The following DNAH9 variants were observed in gnomAD, a reference collection of about 807,000 sequenced individuals.
DNAH9 encodes the protein DNAH9 variant protein.
Under a neutral mutation model 471.6 loss-of-function variants are expected in DNAH9, and 345 were observed. The ratio of observed to expected loss-of-function variants is 0.73; its 90% confidence interval spans 0.67 to 0.80. The LOEUF (loss-of-function observed/expected upper bound fraction) is 0.80. Among genes scored for constraint, DNAH9 ranks in the 30% least tolerant of loss-of-function variants. The pLI is 0.00. For missense variants in DNAH9, 5,407 were observed against 5,609.2 expected (o/e 0.96, Z 1.15); for synonymous variants, 2,093 against 2,123.6 (o/e 0.99, Z 0.40).
At position 11,610,515 on chromosome 17, in the gene DNAH9, A is replaced by C; in HGVS notation, c.734A>C (p.Asn245Thr). ...TCCCAGCCACTCTTACAAGGGGAGA[A>C]TCCCACCCCTAAGGTGGAGTTGGAG... ...ESSQPLLQGENPTPKVELEFW... is the reference protein window; with the variant it reads ...ESSQPLLQGETPTPKVELEFW... Residue 245 changes from asparagine to threonine, a missense_variant, in exon 3 of 69, where the codon AAT (asparagine) becomes ACT (threonine). Transcript: ENST00000262442. The C allele has an allele frequency of 6.2e-7, 1 of 1,613,216 alleles. No individual in the cohort carries two copies. The highest frequency in any genetic ancestry group is 8.5e-7 in the Non-Finnish European group (1 of 1,179,964).
intron 8 of DNAH9, among the ~76,000 whole-genome samples, chr17:11,635,919 A>G (rs558300875): frequency 2.0e-5 from 3 of 151,922 alleles, no homozygotes; most frequent in Non-Finnish European, 4.4e-5. Context: ...TCTCCCCAAC[A>G]TCCAGCCAAC....
chr17:11,905,431 G>T (rs1973561516), intron 60 of DNAH9, among the ~76,000 whole-genome samples: 1 of 152,134 alleles, frequency 6.6e-6, no homozygotes, highest in Non-Finnish European at 1.5e-5. Flanking sequence ...GGCCTGCCTG[G>T]ATGGGGCTTC....
chr17:11,934,117 G>A (rs1378531618), intron 65 of DNAH9, 46 bp downstream of exon 65: 3 of 1,572,002 alleles, frequency 1.9e-6, no homozygotes, highest in Non-Finnish European at 8.7e-7. Context: ...GTGCTCACAG[G>A]GCCCTGGGTA....
rs117131617 is a variant in DNAH9, at chr17:11,827,961, C to T, written c.9246+4927C>T. Among the ~76,000 whole-genome samples the T allele has an allele frequency of 2.7e-3, 417 of 152,266 alleles. 12 individuals are homozygous for T. The East Asian group carries it at 0.063, about 23-fold the overall frequency. On this transcript the variant is annotated intron_variant, in intron 48 of 68. Coordinates refer to ENST00000262442, the MANE Select transcript of DNAH9 (RefSeq NM_001372.4). Reference sequence around the variant, plus strand: ...TGGTTCTTTTTACTCTCCTCTTACTCTCACACCTACACCCAAACCATGAGA... The same window carrying T: ...TGGTTCTTTTTACTCTCCTCTTACTTTCACACCTACACCCAAACCATGAGA...
chr17:11,783,742 G>A lies in DNAH9; in HGVS notation c.7815G>A (p.Arg2605=), dbSNP rs760277447. 5.0e-6 allele frequency: 8 copies of A among 1,613,834 alleles called. No individual in the cohort carries two copies. Among genetic ancestry groups the A allele is most frequent in the Admixed American group, 1.7e-5 (1 of 59,994 alleles). Residue 2605 remains arginine, a synonymous_variant, in exon 40 of 69, where the codon CGG becomes CGA. Coordinates refer to ENST00000262442, the MANE Select transcript of DNAH9 (RefSeq NM_001372.4). ...CAGGCAGCTTCACCATCAACCCCCG[G>A]CTTCAGGTACAGGAGGAGCCATGGG... ...PTAGSFTINP[R]LQRHFSVFVL...
intron 51 of DNAH9, among the ~76,000 whole-genome samples, chr17:11,870,839 G>C (rs982890435): frequency 4.6e-5 from 7 of 152,176 alleles, no homozygotes; most frequent in Non-Finnish European, 7.3e-5. Context: ...CCGACCTAGA[G>C]ATTCTGGTGA....
chr17:11,618,682 C>T (rs187319383), intron 5 of DNAH9, among the ~76,000 whole-genome samples: 40 of 151,732 alleles, frequency 2.6e-4, no homozygotes, highest in Non-Finnish European at 4.0e-4. Context: ...GAGAAAATAA[C>T]GAACAAGCTT....
At chr17:11,782,957 T>C (rs903008309) in intron 39 of DNAH9, among the ~76,000 whole-genome samples, 1 of 152,170 alleles carries the variant, frequency 6.6e-6, no homozygotes, top group African/African-American at 2.4e-5. Context: ...AAAAAATTAC[T>C]TTATAATTAC....
At chr17:11,800,738 G>A (rs1039033391) in intron 43 of DNAH9, among the ~76,000 whole-genome samples, 7 of 152,096 alleles carry the variant, frequency 4.6e-5, no homozygotes, top group East Asian at 1.9e-4. Context: ...ATTACATGAC[G>A]CCCCTGTGGT....
chr17:11,698,188 T>TAATTATATATA lies in DNAH9; in HGVS notation c.4873-1540_4873-1539insTATATATAAAT, dbSNP rs1406215400. Among the ~76,000 whole-genome samples, 10 of 16,236 alleles carry TAATTATATATA rather than the reference T, an allele frequency of 6.2e-4. No homozygotes were observed. The East Asian group carries it at 0.017, about 28-fold the overall frequency. 10.7% of individuals were successfully genotyped at this position (16,236 alleles called of 152,430 possible). ...TTATTATATTAATATATTATTATATTAATATAATAATATATTAATAATATA... is the reference window on the plus strand; with the variant it reads ...TTATTATATTAATATATTATTATATTAATTATATATAAATATAATAATATATTAATAATATA... On this transcript the variant is annotated intron_variant, in intron 22 of 68. Coordinates refer to ENST00000262442, the MANE Select transcript of DNAH9 (RefSeq NM_001372.4).
chr17:11,723,760 T>C lies in DNAH9; in HGVS notation c.5710-4058T>C, dbSNP rs1433032672. 3.3e-5 allele frequency among the ~76,000 whole-genome samples: 5 copies of C among 152,152 alleles called. No homozygotes were observed. The South Asian group carries it at 8.3e-4, about 25-fold the overall frequency. On this transcript the variant is annotated intron_variant, in intron 27 of 68. Transcript: ENST00000262442. ...TCAGCTCACTGCAAGCTCCACCTCCTGGGTTCACGTCATTCTCCTGCCTCA... is the reference window on the plus strand; with the variant it reads ...TCAGCTCACTGCAAGCTCCACCTCCCGGGTTCACGTCATTCTCCTGCCTCA...
intron 67 of DNAH9, among the ~76,000 whole-genome samples, chr17:11,953,103 C>A (rs1184043683): frequency 1.3e-5 from 2 of 152,150 alleles, no homozygotes; most frequent in East Asian, 3.8e-4. Flanking sequence ...ACCTTAATTA[C>A]CTCCTTAAAG....
chr17:11,935,574 T>A (rs1048635764), intron 65 of DNAH9, among the ~76,000 whole-genome samples: 1 of 151,404 alleles, frequency 6.6e-6, no homozygotes, highest in African/African-American at 2.4e-5. Context: ...CGGGGTTTCA[T>A]CATGTTGGTC....
chr17:11,853,207 G>T (rs1471479780), intron 49 of DNAH9: 1 of 152,012 alleles, frequency 6.6e-6, no homozygotes, highest in Non-Finnish European at 1.5e-5. Flanking sequence ...CAAAATGGAT[G>T]CCCAAGCAAC....
At chr17:11,750,231 G>C (rs1437986143) in intron 32 of DNAH9, among the ~76,000 whole-genome samples, 1 of 151,688 alleles carries the variant, frequency 6.6e-6, no homozygotes, top group Non-Finnish European at 1.5e-5. Flanking sequence ...CCAGGAATTT[G>C]AGACCAGCCT....
chr17:11,896,226 T>C (rs1275315025), intron 59 of DNAH9, among the ~76,000 whole-genome samples: 1 of 152,206 alleles, frequency 6.6e-6, no homozygotes, highest in Non-Finnish European at 1.5e-5. Flanking sequence ...CCAAATAAGA[T>C]CACATTCACA....
chr17:11,935,976 A>G lies in DNAH9; in HGVS notation c.12490-1376A>G, dbSNP rs564265035. 1.8e-3 allele frequency among the ~76,000 whole-genome samples: 270 copies of G among 152,320 alleles called. 2 individuals carry two copies. Among genetic ancestry groups the G allele is most frequent in the African/African-American group, 6.2e-3 (259 of 41,576 alleles). Reference sequence around the variant, plus strand: ...GGAAAATTGTGCAACAGCGTCCCCTAGTGTCCATGGGATAATTCGACAGGA... The same window carrying G: ...GGAAAATTGTGCAACAGCGTCCCCTGGTGTCCATGGGATAATTCGACAGGA... On this transcript the variant is annotated intron_variant, in intron 65 of 68. Coordinates refer to ENST00000262442, the MANE Select transcript of DNAH9 (RefSeq NM_001372.4).
chr17:11,822,028 A>C lies in DNAH9; in HGVS notation c.8816A>C (p.Lys2939Thr), dbSNP rs751944507. Residue 2939 changes from lysine to threonine, a missense_variant, in exon 46 of 69, where the codon AAG (lysine) becomes ACG (threonine). Transcript: ENST00000262442. ...GLVDNRENCW[K>T]FFIDRIRRQL... ...GTTGACAACAGAGAGAACTGTTGGA[A>C]GTTCTTTATAGATCGGATCCGGCGA... The C allele has an allele frequency of 1.9e-6, 3 of 1,613,900 alleles. No individual in the cohort carries two copies. Among genetic ancestry groups the C allele is most frequent in the Admixed American group, 3.3e-5 (2 of 59,968 alleles).
chr17:11,843,890 T>TATATATATATATATATATACAC lies in DNAH9; in HGVS notation c.9507+8993_9507+8994insTATATATATATATATATACACA, dbSNP rs1389217941. ...ATATATATATATATATATATATATA[T>TATATATATATATATATATACAC]ACACATAGAGAGAGAGAGAATAATA... is the stretch of plus-strand genomic sequence containing the variant. On this transcript the variant is annotated intron_variant, in intron 49 of 68. Transcript: ENST00000262442. Among the ~76,000 whole-genome samples, 46 of 127,188 alleles carry TATATATATATATATATATACAC rather than the reference T, an allele frequency of 3.6e-4. 1 individual carries two copies. The highest frequency in any genetic ancestry group is 1.4e-3 in the African/African-American group (45 of 32,320). The allele number at this position is 127,188 out of a possible 152,430, so 83.4% of individuals were successfully genotyped here.
Sources: gnomAD v4.1 joint callset for allele counts (sites outside exome capture counted in the v4.1 genomes callset) on GRCh38, gnomAD v4.1.1 for gene constraint, MANE v1.5 for transcripts, NCBI Gene and HGNC (gene_info 2026-07-23, HGNC 2026-07-21) for gene names.